KCNH1: variants seen among roughly 807,000 people sequenced by gnomAD.
The protein encoded by KCNH1 is voltage-gated delayed rectifier potassium channel KCNH1.
KCNH1 carries 27 observed loss-of-function variants against 69.2 expected under a neutral mutation model. The observed-to-expected ratio is 0.39, with a 90% CI of 0.29 to 0.54. The LOEUF (loss-of-function observed/expected upper bound fraction) is 0.54. Ranked by LOEUF, KCNH1 falls within the 20% of genes least tolerant of loss-of-function variation. KCNH1 has a pLI of 0.68. For synonymous variants in KCNH1, 456 were observed against 487.7 expected, an observed-to-expected ratio of 0.93 and a Z score of 0.86; for missense variants, 798 against 1,261.6, an observed-to-expected ratio of 0.63 and a Z score of 5.57.
At chr1:210,997,250 G>T (rs977985110) in intron 6 of KCNH1, among the ~76,000 whole-genome samples, 2 of 152,066 alleles carry the variant, frequency 1.3e-5, no homozygotes, top group Non-Finnish European at 2.9e-5. Flanking sequence ...TGGCAAACAA[G>T]TTAAAAACTT....
intron 10 of KCNH1, among the ~76,000 whole-genome samples, chr1:210,740,505 G>GA (rs1465997742): frequency 6.6e-6 from 1 of 151,824 alleles, no homozygotes; most frequent in Admixed American, 6.6e-5. Flanking sequence ...TTTATTCCTA[G>GA]ATTCTCAGTC....
In KCNH1 at chr1:210,768,494, T is replaced by C. The variant is rs148757923; in HGVS notation, c.2112+6854A>G. Among the ~76,000 whole-genome samples the C allele has an allele frequency of 4.6e-3, 695 of 152,288 alleles. 4 individuals carry two copies. Among genetic ancestry groups the C allele is most frequent in the African/African-American group, 0.016 (649 of 41,554 alleles). On this transcript the variant is annotated intron_variant, in intron 10 of 10. Coordinates refer to ENST00000271751, the MANE Select transcript of KCNH1 (RefSeq NM_172362.3). ...CTGCTGCCCCCATTGCTATGAATAA[T>C]GGAAGAGAAATAACACAGCTACATA...
chr1:210,900,887 C>T (rs1478806549), intron 7 of KCNH1, among the ~76,000 whole-genome samples: 1 of 152,112 alleles, frequency 6.6e-6, no homozygotes, highest in East Asian at 1.9e-4. Context: ...ACTTTAGTAC[C>T]GTGTTATAGT....
chr1:211,027,325 G>T (rs1280734674), intron 5 of KCNH1, among the ~76,000 whole-genome samples: 1 of 152,110 alleles, frequency 6.6e-6, no homozygotes, highest in African/African-American at 2.4e-5. Context: ...GCAAAATGAG[G>T]CCAGGCTCAG....
At position 210,732,969 on chromosome 1, in the gene KCNH1, G is replaced by A. The variant is rs147294304; in HGVS notation, c.2112+42379C>T. On this transcript the variant is annotated intron_variant, in intron 10 of 10. Transcript: ENST00000271751. The stretch of plus-strand genomic sequence containing the variant: ...TAACACTTTCTGGATTAGGTGATGG[G>A]TCGTTGAGAGCCCAGGGCACAGCAG... Among the ~76,000 whole-genome samples, 678 of 152,294 alleles carry A rather than the reference G, an allele frequency of 4.5e-3. 3 individuals are homozygous for A. The highest frequency in any genetic ancestry group is 0.01 in the Middle Eastern group (3 of 294).
intron 9 of KCNH1, among the ~76,000 whole-genome samples, chr1:210,791,034 T>C (rs540287627): frequency 9.9e-5 from 15 of 152,276 alleles, no homozygotes; most frequent in Admixed American, 2.0e-4. Flanking sequence ...ATCTTTTCCA[T>C]TTAGAATGCC....
intron 6 of KCNH1, among the ~76,000 whole-genome samples, chr1:211,009,672 G>A (rs553768420): frequency 2.5e-4 from 38 of 151,616 alleles, no homozygotes; most frequent in African/African-American, 9.0e-4. Flanking sequence ...GCAGTGGTGC[G>A]ATCTCAGCTC....
chr1:211,015,624 T>C (rs984009545), intron 6 of KCNH1, among the ~76,000 whole-genome samples: 1 of 152,202 alleles, frequency 6.6e-6, no homozygotes, highest in Non-Finnish European at 1.5e-5. Flanking sequence ...AGATTTAGCA[T>C]TCACCAGACT....
At chr1:211,127,756 C>T (rs1006003220) in intron 1 of KCNH1, among the ~76,000 whole-genome samples, 4 of 152,146 alleles carry the variant, frequency 2.6e-5, no homozygotes, top group African/African-American at 4.8e-5. Flanking sequence ...CGCTCACACA[C>T]GGCTGGTGGG....
intron 5 of KCNH1, among the ~76,000 whole-genome samples, chr1:211,050,260 T>TAAACAAAAAAAAAAAAAA (rs1690174070): frequency 1.7e-5 from 1 of 58,582 alleles, no homozygotes; most frequent in Non-Finnish European, 3.1e-5. Context: ...CACACATTCT[T>TAAACAAAAAAAAAAAAAA]AAAAAAAAAA....
intron 1 of KCNH1, among the ~76,000 whole-genome samples, chr1:211,112,252 A>G (rs1320293480): frequency 6.7e-6 from 1 of 150,090 alleles, no homozygotes; most frequent in Non-Finnish European, 1.5e-5. Context: ...ACTGTCTGGG[A>G]AGTGAGGAGC....
intron 7 of KCNH1, among the ~76,000 whole-genome samples, chr1:210,872,357 T>C (rs1686272890): frequency 6.6e-6 from 1 of 152,098 alleles, no homozygotes; most frequent in Non-Finnish European, 1.5e-5. Context: ...AGCTTCAATC[T>C]CCCTTCACTT....
At chr1:211,059,256 G>A (rs1471565718) in intron 5 of KCNH1, among the ~76,000 whole-genome samples, 1 of 151,014 alleles carries the variant, frequency 6.6e-6, no homozygotes, top group Non-Finnish European at 1.5e-5. Context: ...CTCCAGCCTG[G>A]GCAACAGAGC....
chr1:211,053,479 C>T (rs1395659059), intron 5 of KCNH1, among the ~76,000 whole-genome samples: 1 of 152,124 alleles, frequency 6.6e-6, no homozygotes, highest in African/African-American at 2.4e-5. Context: ...CGACAAGGAG[C>T]TGCCCTGATG....
intron 1 of KCNH1, among the ~76,000 whole-genome samples, chr1:211,124,462 A>G (rs1046630192): frequency 2.6e-5 from 4 of 152,184 alleles, no homozygotes; most frequent in Non-Finnish European, 5.9e-5. Context: ...TGGCCAACAC[A>G]GTGAAACCCC....
intron 6 of KCNH1, among the ~76,000 whole-genome samples, chr1:210,953,414 A>T (rs1688101247): frequency 1.3e-5 from 2 of 152,140 alleles, no homozygotes. Context: ...AAGCTTTTCA[A>T]TCCTTGTGTA....
intron 5 of KCNH1, among the ~76,000 whole-genome samples, chr1:211,046,777 T>C (rs1690100878): frequency 6.6e-6 from 1 of 152,194 alleles, no homozygotes; most frequent in Admixed American, 6.5e-5. Context: ...GTCTCTATTT[T>C]ATAGACAAGG....
At chr1:210,776,584 G>T (rs1683865550) in intron 9 of KCNH1, among the ~76,000 whole-genome samples, 2 of 152,080 alleles carry the variant, frequency 1.3e-5, no homozygotes, top group Admixed American at 1.3e-4. Context: ...ATCACGTGAG[G>T]ATACAATGAG....
intron 7 of KCNH1, among the ~76,000 whole-genome samples, chr1:210,848,964 A>G (rs1276915610): frequency 2.0e-5 from 3 of 152,172 alleles, no homozygotes; most frequent in African/African-American, 7.2e-5. Flanking sequence ...AATGTACACA[A>G]CTAATTACAA....
Sources: gnomAD v4.1 joint callset for allele counts (sites outside exome capture counted in the v4.1 genomes callset) on GRCh38, gnomAD v4.1.1 for gene constraint, MANE v1.5 for transcripts, NCBI Gene and HGNC (gene_info 2026-07-23, HGNC 2026-07-21) for gene names.